The following TRPM3 variants were observed in gnomAD, a reference collection of about 807,000 sequenced individuals.
The protein encoded by TRPM3 is long transient receptor potential channel 3.
Under a neutral mutation model 181.2 loss-of-function variants are expected in TRPM3, and 77 were observed. The observed-to-expected ratio is 0.42, with a 90% CI of 0.35 to 0.51. The LOEUF is 0.51. Ranked by LOEUF, TRPM3 falls within the 20% of genes least tolerant of loss-of-function variation. TRPM3 has a pLI of 0.01. For missense variants in TRPM3, 1,759 were observed against 2,196.7 expected (o/e 0.80, Z 3.98); for synonymous variants, 745 against 796.4 (o/e 0.94, Z 1.09).
At chr9:70,918,519 A>T (rs1336358696) in intron 1 of TRPM3, among the ~76,000 whole-genome samples, 3 of 152,322 alleles carry the variant, frequency 2.0e-5, no homozygotes, top group African/African-American at 7.2e-5. Flanking sequence ...ATGCATGACC[A>T]GTGGGTCAAT....
At chr9:71,344,804 C>A (rs1291271591) in intron 1 of TRPM3, among the ~76,000 whole-genome samples, 1 of 151,996 alleles carries the variant, frequency 6.6e-6, no homozygotes, top group Non-Finnish European at 1.5e-5. Flanking sequence ...CAAGCCACAG[C>A]CTGGAAAAAA....
chr9:71,376,922 C>A (rs922842095), intron 1 of TRPM3, among the ~76,000 whole-genome samples: 7 of 152,036 alleles, frequency 4.6e-5, no homozygotes, highest in Non-Finnish European at 7.4e-5. Context: ...TCTCTTACTG[C>A]ACATTACATT....
chr9:71,307,246 T>C (rs979979500), intron 1 of TRPM3, among the ~76,000 whole-genome samples: 6 of 152,174 alleles, frequency 3.9e-5, no homozygotes, highest in Admixed American at 6.5e-5. Flanking sequence ...TTTCTTTTTC[T>C]TGTATTTTTA....
chr9:70,926,327 CAT>C (rs1163857582), intron 1 of TRPM3, among the ~76,000 whole-genome samples: 1 of 152,146 alleles, frequency 6.6e-6, no homozygotes, highest in Non-Finnish European at 1.5e-5. Context: ...CCCAAACTGA[CAT>C]ACTTATCTGT....
At chr9:70,860,910 A>G (rs1159921233) in intron 3 of TRPM3, among the ~76,000 whole-genome samples, 1 of 152,178 alleles carries the variant, frequency 6.6e-6, no homozygotes, top group Middle Eastern at 3.2e-3. Context: ...CCAACCATTT[A>G]TACAACAGAA....
chr9:71,235,078 C>T (rs570025062), intron 1 of TRPM3, among the ~76,000 whole-genome samples: 1 of 152,350 alleles, frequency 6.6e-6, no homozygotes, highest in South Asian at 2.1e-4. Flanking sequence ...CCATGCCACT[C>T]CACCTGCTGG....
rs527965590 is a variant in TRPM3 at position 71,200,017 on chromosome 9, T to C, written c.183+246636A>G. Among the ~76,000 whole-genome samples the C allele has an allele frequency of 3.3e-5, 5 of 152,366 alleles. No homozygotes were observed. In the East Asian group the frequency reaches 7.7e-4, roughly 24 times the overall value. ...TTTCTATTGTGCACATTTAGTGCTA[T>C]AAATTTCCCTCTACACACTGCTTTG... On this transcript the variant is annotated intron_variant, in intron 1 of 24. Transcript: ENST00000357533.
intron 1 of TRPM3, among the ~76,000 whole-genome samples, chr9:71,014,187 A>G (rs191690383): frequency 2.4e-4 from 36 of 152,160 alleles, no homozygotes; most frequent in Middle Eastern, 3.4e-3. Flanking sequence ...AGAATAGTTT[A>G]ATAGTGAGTT....
chr9:70,929,839 G>T (rs1381684319), intron 1 of TRPM3, among the ~76,000 whole-genome samples: 1 of 152,030 alleles, frequency 6.6e-6, no homozygotes, highest in Non-Finnish European at 1.5e-5. Context: ...CCTTACCCCT[G>T]CCTCTATTCC....
At chr9:71,008,763 TA>T (rs2097705823) in intron 1 of TRPM3, among the ~76,000 whole-genome samples, 2 of 152,152 alleles carry the variant, frequency 1.3e-5, no homozygotes, top group African/African-American at 2.4e-5. Context: ...GAGAATCACT[TA>T]AACCCAGGAG....
intron 1 of TRPM3, among the ~76,000 whole-genome samples, chr9:70,875,322 C>A (rs917537835): frequency 2.0e-5 from 3 of 151,774 alleles, no homozygotes; most frequent in Non-Finnish European, 4.4e-5. Flanking sequence ...ATATATAGGG[C>A]CTTTTTTGAA....
chr9:71,407,790 C>A (rs2093465608), intron 1 of TRPM3, among the ~76,000 whole-genome samples: 3 of 152,190 alleles, frequency 2.0e-5, no homozygotes, highest in Admixed American at 6.5e-5. Flanking sequence ...AGGTCACTGA[C>A]CCACAAGTAG....
intron 1 of TRPM3, among the ~76,000 whole-genome samples, chr9:70,954,407 C>T (rs943116975): frequency 6.6e-6 from 1 of 152,136 alleles, no homozygotes; most frequent in African/African-American, 2.4e-5. Context: ...GGAATGAAGA[C>T]TCCCAACTTC....
At chr9:71,072,970 G>A (rs765768557) in intron 1 of TRPM3, among the ~76,000 whole-genome samples, 1 of 152,168 alleles carries the variant, frequency 6.6e-6, no homozygotes, top group African/African-American at 2.4e-5. Flanking sequence ...GAAGAAGCTC[G>A]AGGTGGCTGC....
chr9:71,171,768 C>T (rs1450282900), intron 1 of TRPM3, among the ~76,000 whole-genome samples: 2 of 152,270 alleles, frequency 1.3e-5, no homozygotes, highest in East Asian at 1.9e-4. Context: ...CAGGAGGTGT[C>T]GTTCATATGA....
chr9:70,699,332 A>G (rs766484144), intron 8 of TRPM3, among the ~76,000 whole-genome samples: 3 of 152,220 alleles, frequency 2.0e-5, no homozygotes, highest in Non-Finnish European at 2.9e-5. Flanking sequence ...TTTGTGGACT[A>G]TATTAATTTC....
chr9:70,865,781 T>C (rs2095637775), intron 1 of TRPM3, among the ~76,000 whole-genome samples: 1 of 152,096 alleles, frequency 6.6e-6, no homozygotes, highest in African/African-American at 2.4e-5. Context: ...ACATGAGCCA[T>C]GGTTGAGGGG....
At chr9:70,786,345 C>A (rs964121708) in intron 6 of TRPM3, among the ~76,000 whole-genome samples, 11 of 96,990 alleles carry the variant, frequency 1.1e-4, no homozygotes, top group African/African-American at 3.9e-4. Context: ...ATTAGCTGGG[C>A]GTGGTGGCAG....
At chr9:71,113,632 ATTAGGT>A (rs2134248212) in intron 1 of TRPM3, among the ~76,000 whole-genome samples, 1 of 152,334 alleles carries the variant, frequency 6.6e-6, no homozygotes, top group Admixed American at 6.5e-5. Flanking sequence ...TGGTATCTAA[ATTAGGT>A]TTCCTGCATG....
Sources: gnomAD v4.1 joint callset for allele counts (sites outside exome capture counted in the v4.1 genomes callset) on GRCh38, gnomAD v4.1.1 for gene constraint, MANE v1.5 for transcripts, NCBI Gene and HGNC (gene_info 2026-07-23, HGNC 2026-07-21) for gene names.